Variants in LRMDA observed in about 807,000 individuals in gnomAD.
LRMDA encodes leucine rich melanocyte differentiation associated.
A neutral mutation model predicts 29.8 loss-of-function variants in LRMDA; 18 were observed. The observed-to-expected ratio is 0.60, with a 90% confidence interval of 0.42 to 0.90. The LOEUF (loss-of-function observed/expected upper bound fraction) is 0.90. Among genes scored for constraint, LRMDA ranks in the 40% least tolerant of loss-of-function variants. LRMDA has a pLI of 0.00. For synonymous variants in LRMDA, 125 were observed against 109.4 expected, an observed-to-expected ratio of 1.14 and a Z score of -0.89; for missense variants, 273 against 273.9, an observed-to-expected ratio of 1.00 and a Z score of 0.02.
At chr10:75,596,555 T>TTA (rs1564518525) in intron 2 of LRMDA, among the ~76,000 whole-genome samples, 1 of 151,700 alleles carries the variant, frequency 6.6e-6, no homozygotes, top group African/African-American at 2.4e-5. Flanking sequence ...TTTTTTTTTT[T>TTA]AAAATGACAT....
At chr10:76,406,677 G>A (rs1841905191) in intron 6 of LRMDA, among the ~76,000 whole-genome samples, 1 of 152,090 alleles carries the variant, frequency 6.6e-6, no homozygotes, top group Admixed American at 6.6e-5. Context: ...GCTGATTCAG[G>A]GTGGGTTGTC....
chr10:75,858,679 G>A (rs1457413508), intron 2 of LRMDA, among the ~76,000 whole-genome samples: 3 of 152,114 alleles, frequency 2.0e-5, no homozygotes, highest in African/African-American at 4.8e-5. Context: ...CTTGTTGTTT[G>A]TTCTATAAAT....
chr10:76,096,173 C>T (rs1021458939), intron 5 of LRMDA, among the ~76,000 whole-genome samples: 1 of 152,018 alleles, frequency 6.6e-6, no homozygotes, highest in African/African-American at 2.4e-5. Context: ...GTTTTGGTAG[C>T]GTATCTAACA....
At chr10:75,532,056 GAAAAA>G (rs60697116) in intron 2 of LRMDA, among the ~76,000 whole-genome samples, 2 of 95,386 alleles carry the variant, frequency 2.1e-5, no homozygotes, top group Non-Finnish European at 4.1e-5. Flanking sequence ...AAGAAAGAAA[GAAAAA>G]AAAAAAAAAA....
intron 2 of LRMDA, among the ~76,000 whole-genome samples, chr10:75,754,759 C>G (rs1215885444): frequency 6.6e-6 from 1 of 152,022 alleles, no homozygotes; most frequent in Non-Finnish European, 1.5e-5. Flanking sequence ...TTCCTTCATC[C>G]AGCTAGCAGG....
intron 5 of LRMDA, among the ~76,000 whole-genome samples, chr10:76,257,233 G>A (rs543693521): frequency 5.2e-4 from 79 of 151,586 alleles, no homozygotes; most frequent in Non-Finnish European, 1.0e-3. Flanking sequence ...CTAATTACGT[G>A]CTTATAACTG....
In LRMDA at chr10:75,464,151, T is replaced by C. The variant is rs77433526; in HGVS notation, c.131+25657T>C. Reference sequence around the variant, plus strand: ...AAAATTATTTCTGTAGAAATGTTTCTAGTCCCTTCAGAGCAGGCTGGGATC... The same window carrying C: ...AAAATTATTTCTGTAGAAATGTTTCCAGTCCCTTCAGAGCAGGCTGGGATC... On this transcript the variant is annotated intron_variant, in intron 2 of 6. Coordinates refer to ENST00000611255, the MANE Select transcript of LRMDA (RefSeq NM_001305581.2). 8.1e-3 allele frequency among the ~76,000 whole-genome samples: 1,239 copies of C among 152,342 alleles called. 15 individuals are homozygous for C. The highest frequency in any genetic ancestry group is 0.028 in the African/African-American group (1,163 of 41,574).
intron 2 of LRMDA, among the ~76,000 whole-genome samples, chr10:75,502,961 ACC>A (rs1206037719): frequency 6.6e-6 from 1 of 152,044 alleles, no homozygotes; most frequent in Non-Finnish European, 1.5e-5. Context: ...AGCCCACACC[ACC>A]CTGTGACCCA....
At chr10:76,140,475 T>C (rs1850178803) in intron 5 of LRMDA, among the ~76,000 whole-genome samples, 1 of 152,156 alleles carries the variant, frequency 6.6e-6, no homozygotes, top group African/African-American at 2.4e-5. Flanking sequence ...TATTTAAGCC[T>C]GAACTCAAGC....
chr10:75,697,447 C>T (rs1479078133), intron 2 of LRMDA, among the ~76,000 whole-genome samples: 1 of 150,386 alleles, frequency 6.6e-6, no homozygotes, highest in Non-Finnish European at 1.5e-5. Flanking sequence ...AGGGGTTGTA[C>T]TTTCCAAATG....
intron 5 of LRMDA, among the ~76,000 whole-genome samples, chr10:76,208,984 T>A (rs1851587320): frequency 6.6e-6 from 1 of 151,948 alleles, no homozygotes; most frequent in African/African-American, 2.4e-5. Flanking sequence ...TGAAACCTTG[T>A]CTCTACTAAA....
intron 2 of LRMDA, among the ~76,000 whole-genome samples, chr10:75,859,596 G>A (rs1844884084): frequency 9.8e-6 from 1 of 101,752 alleles, no homozygotes; most frequent in South Asian, 3.4e-4. Context: ...ATATATTCAG[G>A]GCATACACAC....
intron 6 of LRMDA, among the ~76,000 whole-genome samples, chr10:76,462,115 AC>A (rs1842519574): frequency 6.6e-6 from 1 of 151,838 alleles, no homozygotes; most frequent in Admixed American, 6.6e-5. Context: ...AACCAAAAAA[AC>A]CAGAATGTGA....
chr10:76,501,294 T>C (rs1842906865), intron 6 of LRMDA, among the ~76,000 whole-genome samples: 1 of 152,056 alleles, frequency 6.6e-6, no homozygotes, highest in Admixed American at 6.6e-5. Flanking sequence ...CTTGGGTTGA[T>C]TCCATGTCTT....
At chr10:76,533,224 A>G (rs1225986756) in intron 6 of LRMDA, among the ~76,000 whole-genome samples, 1 of 152,198 alleles carries the variant, frequency 6.6e-6, no homozygotes, top group Admixed American at 6.5e-5. Flanking sequence ...ATAGGATATT[A>G]TTGAATCTGT....
chr10:76,064,028 T>A lies in LRMDA; in HGVS notation c.516+5245T>A, dbSNP rs188984227. On this transcript the variant is annotated intron_variant, in intron 5 of 6. Coordinates refer to ENST00000611255, the MANE Select transcript of LRMDA (RefSeq NM_001305581.2). The stretch of plus-strand genomic sequence containing the variant: ...GCTCAGTCAATACTCATCAAAGGAA[T>A]GAACCATGAACAGCAGAGCATATTG... 1.5e-4 allele frequency among the ~76,000 whole-genome samples: 23 copies of A among 152,302 alleles called. No individual in the cohort carries two copies. In the East Asian group the frequency reaches 4.3e-3, roughly 28 times the overall value.
intron 2 of LRMDA, among the ~76,000 whole-genome samples, chr10:75,981,850 CAAAAA>C (rs10570078): frequency 8.6e-6 from 1 of 116,456 alleles, no homozygotes. Flanking sequence ...GACTCCATCT[CAAAAA>C]AAAAAAAAAA....
intron 2 of LRMDA, among the ~76,000 whole-genome samples, chr10:75,499,458 C>A (rs1227844005): frequency 1.3e-5 from 2 of 152,204 alleles, no homozygotes; most frequent in African/African-American, 4.8e-5. Context: ...TGCTTACTCT[C>A]TGGGCCTTGA....
At chr10:76,534,379 C>T (rs934473749) in intron 6 of LRMDA, among the ~76,000 whole-genome samples, 17 of 152,076 alleles carry the variant, frequency 1.1e-4, no homozygotes, top group African/African-American at 4.8e-5. Flanking sequence ...GGAAGGGATG[C>T]GTGGCAGTTC....
Sources: allele counts gnomAD v4.1 joint callset (sites outside exome capture counted in the v4.1 genomes callset), GRCh38; gene constraint gnomAD v4.1.1; transcripts MANE v1.5; gene names NCBI Gene and HGNC (gene_info 2026-07-23, HGNC 2026-07-21).